SFMBT2: variants seen among roughly 807,000 people sequenced by gnomAD.
SFMBT2 encodes the protein scm-like with four MBT domains protein 2.
Under a neutral mutation model 110.1 loss-of-function variants are expected in SFMBT2, and 38 were observed. The ratio of observed to expected loss-of-function variants is 0.35; its 90% confidence interval spans 0.27 to 0.45. The LOEUF is 0.45. Among genes scored for constraint, SFMBT2 ranks in the 20% least tolerant of loss-of-function variants. The pLI, the probability that SFMBT2 is intolerant of heterozygous loss-of-function variation, is 1.00. For synonymous variants in SFMBT2, 425 were observed against 425.4 expected, an observed-to-expected ratio of 1.00 and a Z score of 0.01; for missense variants, 1,011 against 1,094.9, an observed-to-expected ratio of 0.92 and a Z score of 1.08.
rs574238068 is a variant in SFMBT2, at chr10:7,197,426, G to A, written c.1698+122C>T. On this transcript the variant is annotated intron_variant, in intron 15 of 20. Coordinates refer to ENST00000397167, the MANE Select transcript of SFMBT2 (RefSeq NM_001387889.1). ...TTCAGCCCACAGGATGGAGAGAACGGAGGTCTCGGTAAATGCCAGCTGAAC... is the reference window on the plus strand; with the variant it reads ...TTCAGCCCACAGGATGGAGAGAACGAAGGTCTCGGTAAATGCCAGCTGAAC... The A allele has an allele frequency of 4.3e-5, 57 of 1,329,240 alleles. No homozygotes were observed. In the South Asian group the frequency reaches 6.7e-4, roughly 16 times the overall value. The allele number at this position is 1,329,240 out of a possible 1,614,324, so 82.3% of individuals were successfully genotyped here.
At chr10:7,198,149 C>T in intron 14 of SFMBT2, 1 of 985,122 alleles carries the variant, frequency 1.0e-6, no homozygotes. Flanking sequence ...TAAACATATT[C>T]CATAAATTAT....
chr10:7,168,023 G>A (rs527743856), intron 20 of SFMBT2, among the ~76,000 whole-genome samples: 44 of 151,686 alleles, frequency 2.9e-4, no homozygotes, highest in Non-Finnish European at 5.4e-4. Context: ...AGCCGAGATC[G>A]CGCCATTGCA....
At chr10:7,281,077 C>CA (rs1841938263) in intron 6 of SFMBT2, among the ~76,000 whole-genome samples, 1 of 151,944 alleles carries the variant, frequency 6.6e-6, no homozygotes, top group Non-Finnish European at 1.5e-5. Context: ...CCCATCTCTA[C>CA]AAAATAAGAG....
chr10:7,174,237 G>A (rs991801305), intron 17 of SFMBT2, among the ~76,000 whole-genome samples: 2 of 152,214 alleles, frequency 1.3e-5, no homozygotes, highest in Non-Finnish European at 2.9e-5. Flanking sequence ...AAACTGCCGT[G>A]GGCGAGCATT....
At chr10:7,320,243 A>T (rs1843144956) in intron 4 of SFMBT2, among the ~76,000 whole-genome samples, 1 of 152,194 alleles carries the variant, frequency 6.6e-6, no homozygotes, top group South Asian at 2.1e-4. Context: ...GAGACGCCTG[A>T]GTGTGCAGCT....
intron 9 of SFMBT2, among the ~76,000 whole-genome samples, chr10:7,234,885 A>G (rs1463242913): frequency 2.0e-5 from 3 of 152,216 alleles, no homozygotes; most frequent in African/African-American, 7.2e-5. Flanking sequence ...TTCAAGGGAG[A>G]TGAGCAGGAG....
chr10:7,292,277 G>A (rs1037446610), intron 4 of SFMBT2: 5 of 243,912 alleles, frequency 2.0e-5, no homozygotes, highest in Non-Finnish European at 3.3e-5. Flanking sequence ...GAAAAAAGGA[G>A]GCAACAGTAC....
At chr10:7,212,024 C>T (rs975389739) in intron 11 of SFMBT2, among the ~76,000 whole-genome samples, 1 of 152,186 alleles carries the variant, frequency 6.6e-6, no homozygotes, top group Admixed American at 6.5e-5. Flanking sequence ...GCTTTACAAA[C>T]TCTAGGCTGC....
intron 4 of SFMBT2, among the ~76,000 whole-genome samples, chr10:7,332,920 G>GCAGT (rs1843607250): frequency 6.6e-6 from 1 of 152,194 alleles, no homozygotes; most frequent in Non-Finnish European, 1.5e-5. Flanking sequence ...AGGCGGGAGT[G>GCAGT]CAGTGGCATG....
Position 7,192,093 on chromosome 10 carries a change from C to T in SFMBT2, c.1699-3360G>A, listed in dbSNP as rs113294483. ...TTCCTTTGCCAACCTTCCCTCAGCA[C>T]CCCAGACCATGTGAGTGTGTTCAAG... On this transcript the variant is annotated intron_variant, in intron 15 of 20. Transcript: ENST00000397167. Among the ~76,000 whole-genome samples the T allele has an allele frequency of 2.7e-3, 413 of 152,286 alleles. 2 individuals carry two copies. The highest frequency in any genetic ancestry group is 9.4e-3 in the African/African-American group (392 of 41,552).
At chr10:7,295,966 C>T (rs1021261981) in intron 4 of SFMBT2, among the ~76,000 whole-genome samples, 3 of 152,238 alleles carry the variant, frequency 2.0e-5, no homozygotes, top group African/African-American at 7.2e-5. Context: ...GCACTAGAAA[C>T]AACCAGGATT....
chr10:7,188,623 C>A lies in SFMBT2; in HGVS notation c.1808+1G>T. 6.2e-7 allele frequency: 1 copy of A among 1,611,812 alleles called. No homozygotes were observed. Among genetic ancestry groups the A allele is most frequent in the Non-Finnish European group, 8.5e-7 (1 of 1,178,332 alleles). On this transcript the variant is annotated splice_donor_variant, in intron 16 of 20. Transcript: ENST00000397167. LOFTEE classifies it high-confidence loss of function. Reference sequence around the variant, plus strand: ...TGCTTTCCAGAATTGAAAACACTTACTTGGCCTTCAGCGTCTCTTCCTGGA... The same window carrying A: ...TGCTTTCCAGAATTGAAAACACTTAATTGGCCTTCAGCGTCTCTTCCTGGA...
chr10:7,351,837 C>T (rs1844328698), intron 4 of SFMBT2, among the ~76,000 whole-genome samples: 1 of 151,104 alleles, frequency 6.6e-6, no homozygotes, highest in Non-Finnish European at 1.5e-5. Context: ...CTCATACGGC[C>T]CTTTGTCAAG....
Position 7,171,013 on chromosome 10 carries a change from T to C in SFMBT2, c.2459A>G (p.Asn820Ser), listed in dbSNP as rs1416830256. The change falls in exon 20 of 21, where the codon AAC (asparagine) becomes AGC (serine). Residue 820 changes from asparagine (N) to serine (S), a missense_variant. Physicochemically the swap from Asn to Ser is conservative, Grantham distance 46. Transcript: ENST00000397167. The surrounding 1 kb of genome is among the most constrained non-coding windows in gnomAD (Gnocchi z 4.9). ...GTCGGTGACCGTCCACTCCAACGGG[T>C]TGCTCTCCAGAACCAGTCTCTCCTC... The part of the protein sequence containing the change: ...EEEERLVLES[N>S]PLEWTVTDVV... 1.2e-6 allele frequency: 2 copies of C among 1,614,042 alleles called. No homozygotes were observed. Among genetic ancestry groups the C allele is most frequent in the Admixed American group, 1.7e-5 (1 of 60,006 alleles).
At chr10:7,346,331 G>A (rs1844108889) in intron 4 of SFMBT2, among the ~76,000 whole-genome samples, 1 of 152,168 alleles carries the variant, frequency 6.6e-6, no homozygotes, top group South Asian at 2.1e-4. Flanking sequence ...CTTGGTGATT[G>A]CTTGCATTCA....
chr10:7,320,661 C>T, intron 4 of SFMBT2: 1 of 962,032 alleles, frequency 1.0e-6, no homozygotes, highest in Non-Finnish European at 1.2e-6. Flanking sequence ...ATAGGAAGCA[C>T]TTTTCATTTT....
intron 7 of SFMBT2, among the ~76,000 whole-genome samples, chr10:7,261,446 G>A (rs1465077807): frequency 6.6e-6 from 1 of 152,158 alleles, no homozygotes; most frequent in South Asian, 2.1e-4. Context: ...CAGAATCTTC[G>A]GATGCTCAGC....
chr10:7,407,095 G>A (rs531572407), intron 1 of SFMBT2, among the ~76,000 whole-genome samples: 10 of 152,288 alleles, frequency 6.6e-5, no homozygotes, highest in African/African-American at 2.2e-4. Flanking sequence ...TTTATTTATG[G>A]AAGGGAGAAA....
In SFMBT2 at chr10:7,197,635, A is replaced by G; in HGVS notation, c.1611T>C (p.Cys537=). 1 of 1,614,170 alleles carries G rather than the reference A, an allele frequency of 6.2e-7. No homozygotes were observed. Among genetic ancestry groups the G allele is most frequent in the Non-Finnish European group, 8.5e-7 (1 of 1,180,024 alleles). The change falls in exon 15 of 21, where the codon TGT becomes TGC. Residue 537 remains cysteine (C), a synonymous_variant. Transcript: ENST00000397167. ...CTTTGTTCAGGTAAGGGCCTGAGAA[A>G]CACCTGTGGTTGATGAAGAGCTGAG... ...CCPQLFINHR[C]FSGPYLNKGR...
Sources: gnomAD v4.1 joint callset for allele counts (sites outside exome capture counted in the v4.1 genomes callset) on GRCh38, gnomAD v4.1.1 for gene constraint, Gnocchi (gnomAD v3.1) non-coding constraint, MANE v1.5 for transcripts, NCBI Gene and HGNC (gene_info 2026-07-23, HGNC 2026-07-21) for gene names.